The following PAK4 variants were observed in gnomAD, a reference collection of about 807,000 sequenced individuals.
The protein encoded by PAK4 is p21 (RAC1) activated kinase 4.
Under a neutral mutation model 53.5 loss-of-function variants are expected in PAK4, and 49 were observed. The ratio of observed to expected loss-of-function variants is 0.92; its 90% CI spans 0.73 to 1.16. The LOEUF (loss-of-function observed/expected upper bound fraction) is 1.16, where lower values mean the gene tolerates loss of function less well. Among genes scored for constraint, PAK4 ranks in the 50% most tolerant of loss-of-function variants. PAK4 has a pLI of 0.00. For synonymous variants in PAK4, 376 were observed against 375.6 expected, an observed-to-expected ratio of 1.00 and a Z score of -0.01; for missense variants, 824 against 850.7, an observed-to-expected ratio of 0.97 and a Z score of 0.39.
rs1292396979 is a variant in PAK4, at chr19:39,178,597, C to G, written c.*18C>G. ...CCAGATGAGGCCCAGCGCCCTTCCC[C>G]TCAACCAAAGAGCCCCCCGGGTCAC... On this transcript the variant is annotated 3_prime_UTR_variant, in exon 9 of 9. Transcript: ENST00000358301. This position sits in a 1 kb window ranked among gnomAD's most constrained non-coding sequence, Gnocchi z 4.4. 1 of 1,557,014 alleles carries G rather than the reference C, an allele frequency of 6.4e-7. No homozygotes were observed. The highest frequency in any genetic ancestry group is 1.4e-5 in the African/African-American group (1 of 73,388).
chr19:39,163,977 C>G (rs530448919), intron 1 of PAK4, among the ~76,000 whole-genome samples: 15 of 152,286 alleles, frequency 9.8e-5, no homozygotes, highest in African/African-American at 3.6e-4. Flanking sequence ...GAGGCAGATG[C>G]TAAAGAATTA....
intron 1 of PAK4, among the ~76,000 whole-genome samples, chr19:39,140,205 C>G (rs2073887817): frequency 6.6e-6 from 1 of 152,198 alleles, no homozygotes; most frequent in Non-Finnish European, 1.5e-5. Context: ...TCCCTCCTCC[C>G]CTGGCAGAAA....
chr19:39,129,912 C>T (rs554426014), intron 1 of PAK4, among the ~76,000 whole-genome samples: 11 of 152,028 alleles, frequency 7.2e-5, no homozygotes, highest in Non-Finnish European at 1.6e-4. Context: ...ATGGGTGAGG[C>T]CTTGTAACAT....
Position 39,134,288 on chromosome 19 carries a change from G to A in PAK4, c.-23+8369G>A, listed in dbSNP as rs150143891. Among the ~76,000 whole-genome samples the A allele has an allele frequency of 2.4e-4, 36 of 152,274 alleles. No homozygotes were observed. The East Asian group carries it at 5.8e-3, about 24-fold the overall frequency. ...AGCAAAGAATTACAAAGTGAACAAC[G>A]CTTCCCCACCACCTCGGTAAAGACA... On this transcript the variant is annotated intron_variant, in intron 1 of 8. Coordinates refer to ENST00000358301, the Ensembl canonical transcript of PAK4.
At chr19:39,137,413 C>T (rs956325499) in intron 1 of PAK4, among the ~76,000 whole-genome samples, 3 of 152,076 alleles carry the variant, frequency 2.0e-5, no homozygotes, top group African/African-American at 7.2e-5. Context: ...CCCTGTGTCC[C>T]GGCCAGTGCT....
chr19:39,165,775 G>T (rs1372861973), intron 1 of PAK4, among the ~76,000 whole-genome samples: 2 of 152,164 alleles, frequency 1.3e-5, no homozygotes, highest in Middle Eastern at 3.2e-3. Flanking sequence ...ATTGGGATGA[G>T]GATGCTTGTG....
chr19:39,156,549 C>T (rs1014055302), intron 1 of PAK4, among the ~76,000 whole-genome samples: 3 of 151,838 alleles, frequency 2.0e-5, no homozygotes, highest in African/African-American at 4.8e-5. Context: ...CCCAGCCCTG[C>T]CCTCTGTCCA....
chr19:39,142,502 A>C (rs1214911697), intron 1 of PAK4, among the ~76,000 whole-genome samples: 1 of 152,214 alleles, frequency 6.6e-6, no homozygotes, highest in Admixed American at 6.5e-5. Flanking sequence ...GCTGGTACCC[A>C]GATCCAGCAG....
chr19:39,169,660 C>T (rs1220599317), exon 2 of PAK4: 1 of 1,613,500 alleles, frequency 6.2e-7, no homozygotes, highest in South Asian at 1.1e-5. Flanking sequence ...ACGGGGCTGC[C>T]CCGCCAGTGG....
chr19:39,174,470 G>A (rs2074560785), intron 4 of PAK4, among the ~76,000 whole-genome samples: 1 of 151,400 alleles, frequency 6.6e-6, no homozygotes, highest in Admixed American at 6.6e-5. Flanking sequence ...CCCTGGCAGT[G>A]CCCCGTAGCA....
chr19:39,130,912 G>A (rs1267779204), intron 1 of PAK4, among the ~76,000 whole-genome samples: 1 of 151,410 alleles, frequency 6.6e-6, no homozygotes, highest in African/African-American at 2.4e-5. Context: ...GAGGCTGTGG[G>A]GAGGCTGCTG....
At position 39,178,547 on chromosome 19, in the gene PAK4, G is replaced by A. The variant is rs781266929; in HGVS notation, c.1744G>A (p.Val582Met). 3.7e-6 allele frequency: 6 copies of A among 1,609,508 alleles called. No individual in the cohort carries two copies. Among genetic ancestry groups the A allele is most frequent in the East Asian group, 2.2e-5 (1 of 44,780 alleles). Reference sequence around the variant, plus strand: ...CAAGGCAGGGCCGCCTGCCAGCATCGTGCCCCTCATGCGCCAGAACCGCAC... The same window carrying A: ...CAAGGCAGGGCCGCCTGCCAGCATCATGCCCCTCATGCGCCAGAACCGCAC... Residue 582 changes from valine to methionine, a missense_variant, in exon 9 of 9, where the codon GTG becomes ATG. Physicochemically the swap from Val to Met is conservative, Grantham distance 21. Coordinates refer to ENST00000358301, the Ensembl canonical transcript of PAK4. This position sits in a 1 kb window ranked among gnomAD's most constrained non-coding sequence, Gnocchi z 4.4.
Position 39,175,295 on chromosome 19 carries a change from C to A in PAK4, c.1233-17C>A. ...GTGCTGTCCAGCTGGCTGCTCACCC[C>A]CCACCCCACCCCGCAGGATGAACGA... is the stretch of plus-strand genomic sequence containing the variant. On this transcript the variant is annotated splice_polypyrimidine_tract_variant and intron_variant, in intron 5 of 8. Coordinates refer to ENST00000358301, the Ensembl canonical transcript of PAK4. This position sits in a 1 kb window ranked among gnomAD's most constrained non-coding sequence, Gnocchi z 4.7. 2 of 1,562,816 alleles carry A rather than the reference C, an allele frequency of 1.3e-6. No homozygotes were observed. Among genetic ancestry groups the A allele is most frequent in the Non-Finnish European group, 1.7e-6 (2 of 1,152,152 alleles).
At chr19:39,146,931 A>G (rs188509484) in intron 1 of PAK4, among the ~76,000 whole-genome samples, 1 of 151,860 alleles carries the variant, frequency 6.6e-6, no homozygotes, top group East Asian at 1.9e-4. Flanking sequence ...AGAGGGAGAA[A>G]AGAAAAGAAA....
At chr19:39,135,282 C>G (rs940690256) in intron 1 of PAK4, 6 of 151,312 alleles carry the variant, frequency 4.0e-5, no homozygotes, top group African/African-American at 1.2e-4. Flanking sequence ...CCTGTCCATT[C>G]CGACTCTCAC....
chr19:39,132,113 G>A (rs145030743), intron 1 of PAK4, among the ~76,000 whole-genome samples: 6 of 152,310 alleles, frequency 3.9e-5, no homozygotes, highest in Non-Finnish European at 8.8e-5. Flanking sequence ...CCAGGCACGC[G>A]TGTGCTGTGA....
At chr19:39,169,099 C>T (rs575753516) in intron 1 of PAK4, among the ~76,000 whole-genome samples, 6 of 152,212 alleles carry the variant, frequency 3.9e-5, no homozygotes, top group East Asian at 3.9e-4. Flanking sequence ...GGGGGGACGG[C>T]GGGACACGGG....
In PAK4 at chr19:39,161,932, G is replaced by A. The variant is rs965277002; in HGVS notation, c.-22-7600G>A. ...ACGTGTCCCCTTCTCAGCAAGGCCTGCCTGACCACTTTATTTTATAATAAT... is the reference window on the plus strand; with the variant it reads ...ACGTGTCCCCTTCTCAGCAAGGCCTACCTGACCACTTTATTTTATAATAAT... On this transcript the variant is annotated intron_variant, in intron 1 of 8. Transcript: ENST00000358301. This position sits in a 1 kb window ranked among gnomAD's most constrained non-coding sequence, Gnocchi z 4.5. Among the ~76,000 whole-genome samples, 5 of 151,866 alleles carry A rather than the reference G, an allele frequency of 3.3e-5. No homozygotes were observed.
chr19:39,147,156 T>C (rs547734447), intron 1 of PAK4, among the ~76,000 whole-genome samples: 8 of 152,160 alleles, frequency 5.3e-5, no homozygotes, highest in Non-Finnish European at 1.0e-4. Context: ...TTCTCATAGC[T>C]ACACCCTTCC....
Sources: allele counts gnomAD v4.1 joint callset (sites outside exome capture counted in the v4.1 genomes callset), GRCh38; gene constraint gnomAD v4.1.1; non-coding constraint Gnocchi (gnomAD v3.1); transcripts MANE v1.5; gene names NCBI Gene and HGNC (gene_info 2026-07-23, HGNC 2026-07-21).